The following PDE4D variants were observed in gnomAD, a reference collection of about 807,000 sequenced individuals.
PDE4D encodes phosphodiesterase 4D.
PDE4D carries 24 observed loss-of-function variants against 87.4 expected under a neutral mutation model. The observed-to-expected ratio is 0.27, with a 90% CI of 0.20 to 0.39. The LOEUF is 0.39. Among genes scored for constraint, PDE4D ranks in the 10% least tolerant of loss-of-function variants. The pLI is 1.00. For missense variants in PDE4D, 714 were observed against 1,041.0 expected (o/e 0.69, Z 4.32); for synonymous variants, 384 against 383.2 (o/e 1.00, Z -0.02).
chr5:59,194,805 A>G (rs1745093948), intron 2 of PDE4D, among the ~76,000 whole-genome samples: 1 of 152,214 alleles, frequency 6.6e-6, no homozygotes, highest in African/African-American at 2.4e-5. Flanking sequence ...CATAAGGTCT[A>G]AAAACTAATA....
At chr5:59,901,968 A>G (rs1431320538) in intron 3 of PDE4D, among the ~76,000 whole-genome samples, 2 of 143,716 alleles carry the variant, frequency 1.4e-5, no homozygotes, top group African/African-American at 5.3e-5. Flanking sequence ...ACACACACAC[A>G]CACACACACG....
chr5:60,006,780 C>G (rs1167619405), intron 2 of PDE4D, among the ~76,000 whole-genome samples: 2 of 151,920 alleles, frequency 1.3e-5, no homozygotes, highest in Non-Finnish European at 2.9e-5. Context: ...TTAAGTGCTT[C>G]TTTTCTTTTT....
intron 3 of PDE4D, among the ~76,000 whole-genome samples, chr5:59,913,894 T>A (rs1257877362): frequency 6.6e-6 from 1 of 152,134 alleles, no homozygotes; most frequent in Non-Finnish European, 1.5e-5. Context: ...AGTTTTTAAT[T>A]GTAGTTTTAA....
chr5:59,643,435 C>A (rs867872323), intron 1 of PDE4D, among the ~76,000 whole-genome samples: 13 of 152,140 alleles, frequency 8.5e-5, no homozygotes, highest in Non-Finnish European at 1.9e-4. Flanking sequence ...GAAGGAATGA[C>A]AAAGACACGA....
intron 1 of PDE4D, among the ~76,000 whole-genome samples, chr5:60,400,777 C>T (rs529465958): frequency 1.3e-5 from 2 of 148,732 alleles, no homozygotes; most frequent in South Asian, 4.3e-4. Context: ...AACAAAAATA[C>T]AAAAATTAGC....
At chr5:59,203,682 C>T (rs1748079367) in intron 2 of PDE4D, among the ~76,000 whole-genome samples, 1 of 152,054 alleles carries the variant, frequency 6.6e-6, no homozygotes, top group Non-Finnish European at 1.5e-5. Context: ...GATATCCTTC[C>T]ATTTATGACA....
intron 1 of PDE4D, among the ~76,000 whole-genome samples, chr5:59,664,761 A>G (rs1269138713): frequency 2.0e-5 from 3 of 152,236 alleles, no homozygotes; most frequent in Non-Finnish European, 4.4e-5. Flanking sequence ...AGTATCTGCA[A>G]ATAAGGTTGA....
At chr5:59,280,246 T>C (rs1232156776) in intron 1 of PDE4D, among the ~76,000 whole-genome samples, 1 of 152,098 alleles carries the variant, frequency 6.6e-6, no homozygotes, top group Non-Finnish European at 1.5e-5. Context: ...GCAATACTGG[T>C]TAATAAATGA....
At chr5:59,442,226 T>C (rs1396938976) in intron 1 of PDE4D, among the ~76,000 whole-genome samples, 1 of 152,210 alleles carries the variant, frequency 6.6e-6, no homozygotes, top group Non-Finnish European at 1.5e-5. Flanking sequence ...ATCATTCAGA[T>C]ATTAAATTGA....
chr5:60,488,339 G>C (rs1332882832), upstream of PDE4D: 3 of 151,978 alleles, frequency 2.0e-5, no homozygotes, highest in Admixed American at 1.3e-4. Flanking sequence ...GTCTCTTCCC[G>C]GCTTGGCAAT....
At chr5:59,536,504 C>CAAAAAAAAAAAAA (rs10586960) in intron 1 of PDE4D, among the ~76,000 whole-genome samples, 62 of 56,376 alleles carry the variant, frequency 1.1e-3, no homozygotes, top group African/African-American at 5.6e-3. Flanking sequence ...GACTCAGCCT[C>CAAAAAAAAAAAAA]AAAAAAAAAA....
chr5:60,181,540 A>G (rs957274553), intron 2 of PDE4D, among the ~76,000 whole-genome samples: 2 of 152,228 alleles, frequency 1.3e-5, no homozygotes, highest in Non-Finnish European at 2.9e-5. Flanking sequence ...GGAACATCAA[A>G]GACATCTGGT....
At chr5:60,105,137 C>T (rs969426345) in intron 2 of PDE4D, among the ~76,000 whole-genome samples, 1 of 152,126 alleles carries the variant, frequency 6.6e-6, no homozygotes, top group African/African-American at 2.4e-5. Context: ...GAACGTATAG[C>T]TAGAATAACC....
At chr5:59,891,104 G>A (rs986299403) in intron 1 of PDE4D, among the ~76,000 whole-genome samples, 1 of 152,086 alleles carries the variant, frequency 6.6e-6, no homozygotes, top group African/African-American at 2.4e-5. Flanking sequence ...GAGCCACAGT[G>A]GCAGCTACAT....
At chr5:60,170,418 T>C (rs1305228635) in intron 2 of PDE4D, among the ~76,000 whole-genome samples, 1 of 151,976 alleles carries the variant, frequency 6.6e-6, no homozygotes, top group African/African-American at 2.4e-5. Context: ...AGTGAACAGA[T>C]CTCAGGTAAG....
At chr5:59,096,636 T>C (rs540455654) in intron 5 of PDE4D, among the ~76,000 whole-genome samples, 1 of 152,246 alleles carries the variant, frequency 6.6e-6, no homozygotes, top group Admixed American at 6.5e-5. Context: ...CATTGGTCTG[T>C]CTCATGTGGA....
At chr5:59,503,841 A>G (rs1455220359) in intron 1 of PDE4D, among the ~76,000 whole-genome samples, 1 of 152,186 alleles carries the variant, frequency 6.6e-6, no homozygotes, top group Non-Finnish European at 1.5e-5. Context: ...TTATATCTAA[A>G]GGTTCTTAGG....
At chr5:59,802,596 A>G (rs1254104499) in intron 1 of PDE4D, among the ~76,000 whole-genome samples, 1 of 151,908 alleles carries the variant, frequency 6.6e-6, no homozygotes, top group Non-Finnish European at 1.5e-5. Flanking sequence ...AGGGGGTTTC[A>G]CCATGTTAGC....
At chr5:59,587,508 G>A (rs1278084608) in intron 1 of PDE4D, 2 of 985,286 alleles carry the variant, frequency 2.0e-6, no homozygotes, top group African/African-American at 1.7e-5. Flanking sequence ...CCCCAGCGCC[G>A]AATTTCCAGC....
Sources: gnomAD v4.1 joint callset for allele counts (sites outside exome capture counted in the v4.1 genomes callset) on GRCh38, gnomAD v4.1.1 for gene constraint, MANE v1.5 for transcripts, NCBI Gene and HGNC (gene_info 2026-07-23, HGNC 2026-07-21) for gene names.